MTHFD2L: variants seen among roughly 807,000 people sequenced by gnomAD.
The protein encoded by MTHFD2L is methylenetetrahydrofolate dehydrogenase (NADP+ dependent) 2 like.
Under a neutral mutation model 34.9 loss-of-function variants are expected in MTHFD2L, and 29 were observed. The observed-to-expected ratio is 0.83, with a 90% CI of 0.62 to 1.13. The LOEUF is 1.13. MTHFD2L is among the 50% of genes most tolerant of loss of function. The probability of loss-of-function intolerance (pLI) is 0.00; values close to 1 mark genes in which losing one functional copy is unlikely to be tolerated. For synonymous variants in MTHFD2L, 167 were observed against 155.7 expected (o/e 1.07, Z -0.54); for missense variants, 481 against 446.5 (o/e 1.08, Z -0.70).
At chr4:74,213,910 T>C (rs1736760571) in intron 5 of MTHFD2L, among the ~76,000 whole-genome samples, 1 of 152,040 alleles carries the variant, frequency 6.6e-6, no homozygotes, top group Non-Finnish European at 1.5e-5. Flanking sequence ...TCCTTCCTTT[T>C]CATTCTTTTT....
intron 5 of MTHFD2L, among the ~76,000 whole-genome samples, chr4:74,205,402 G>A (rs560487436): frequency 9.9e-5 from 15 of 152,266 alleles, no homozygotes; most frequent in East Asian, 1.9e-4. Flanking sequence ...AGCTCATGCC[G>A]TGTATTTATT....
At chr4:74,142,436 G>A (rs1416894774) in intron 1 of MTHFD2L, among the ~76,000 whole-genome samples, 2 of 152,152 alleles carry the variant, frequency 1.3e-5, no homozygotes, top group Non-Finnish European at 2.9e-5. Context: ...TCCACTATGT[G>A]AGAATACAAC....
At chr4:74,256,126 A>G (rs1263136862) in intron 6 of MTHFD2L, among the ~76,000 whole-genome samples, 5 of 152,206 alleles carry the variant, frequency 3.3e-5, no homozygotes, top group Admixed American at 6.5e-5. Flanking sequence ...CCAACAGTAT[A>G]TAAGTATTCT....
chr4:74,263,642 A>G (rs1744950205), intron 6 of MTHFD2L, among the ~76,000 whole-genome samples: 2 of 151,794 alleles, frequency 1.3e-5, no homozygotes, highest in Non-Finnish European at 2.9e-5. Context: ...TGGTGTTGTT[A>G]TATAGGAATG....
chr4:74,293,896 G>A (rs1246306683), intron 7 of MTHFD2L, among the ~76,000 whole-genome samples: 1 of 152,152 alleles, frequency 6.6e-6, no homozygotes, highest in African/African-American at 2.4e-5. Context: ...AATACTTCAA[G>A]CATTTAATTT....
intron 5 of MTHFD2L, 120 bp downstream of exon 5, chr4:74,201,490 C>G: frequency 1.8e-6 from 1 of 542,340 alleles, no homozygotes; most frequent in East Asian, 3.2e-5. Flanking sequence ...TTCAAAGTCT[C>G]CTTTATTCCT....
intron 6 of MTHFD2L, among the ~76,000 whole-genome samples, chr4:74,278,701 G>GTT (rs1350266061): frequency 3.5e-4 from 53 of 151,998 alleles, no homozygotes; most frequent in Non-Finnish European, 1.2e-4. Context: ...GCTTGAGCTT[G>GTT]TTTTCATGGC....
intron 1 of MTHFD2L, among the ~76,000 whole-genome samples, chr4:74,137,882 C>T (rs1246246831): frequency 2.0e-5 from 3 of 151,918 alleles, no homozygotes; most frequent in African/African-American, 2.4e-5. Context: ...CATGTTCTTG[C>T]TCTTGTGTGG....
At chr4:74,150,054 C>A (rs961856840) in intron 1 of MTHFD2L, among the ~76,000 whole-genome samples, 1 of 152,014 alleles carries the variant, frequency 6.6e-6, no homozygotes, top group African/African-American at 2.4e-5. Flanking sequence ...AGAGGGATTT[C>A]GACATTCTTG....
intron 2 of MTHFD2L, among the ~76,000 whole-genome samples, chr4:74,174,958 C>T (rs1330030835): frequency 6.6e-6 from 1 of 152,074 alleles, no homozygotes; most frequent in Non-Finnish European, 1.5e-5. Flanking sequence ...ATTATATTTG[C>T]TTTAATCAAA....
In MTHFD2L at chr4:74,281,535, G is replaced by T. The variant is rs1747481395; in HGVS notation, c.916G>T (p.Asp306Tyr). Residue 306 changes from aspartate (D) to tyrosine (Y), a missense_variant, in exon 7 of 8, where the codon GAT becomes TAT. By Grantham distance (160) the Asp-to-Tyr change is radical (BLOSUM62 -3). Transcript: ENST00000325278. Reference protein sequence around the residue: ...PVTGKTKLVGDVDFEAVKKKA... With the variant: ...PVTGKTKLVGYVDFEAVKKKA... ...GACAGGAAAGACAAAATTAGTTGGA[G>T]ATGTGGACTTCGAAGGTAATAAACC... is the stretch of plus-strand genomic sequence containing the variant. 6.2e-7 allele frequency: 1 copy of T among 1,612,148 alleles called. No individual in the cohort carries two copies. Among genetic ancestry groups the T allele is most frequent in the East Asian group, 2.2e-5 (1 of 44,766 alleles).
intron 5 of MTHFD2L, among the ~76,000 whole-genome samples, chr4:74,217,279 A>T (rs1295212262): frequency 1.3e-5 from 2 of 151,686 alleles, no homozygotes; most frequent in East Asian, 3.9e-4. Flanking sequence ...ACCTTACCAA[A>T]ATTGCATTTA....
intron 3 of MTHFD2L, among the ~76,000 whole-genome samples, chr4:74,196,701 C>A (rs373135259): frequency 1.3e-5 from 2 of 152,004 alleles, no homozygotes; most frequent in East Asian, 3.9e-4. Context: ...GTAATCCCAG[C>A]ACTTTGGGAG....
chr4:74,191,675 C>T lies in MTHFD2L; in HGVS notation c.452-8119C>T, dbSNP rs547635701. On this transcript the variant is annotated intron_variant, in intron 3 of 7. Coordinates refer to ENST00000325278, the MANE Select transcript of MTHFD2L (RefSeq NM_001144978.3). ...AAGCAGTTCTCCTGCCTCAGCCTCC[C>T]GAGTAGCTGGGATTACAGGCACCTG... 5.3e-5 allele frequency among the ~76,000 whole-genome samples: 8 copies of T among 152,078 alleles called. No homozygotes were observed. The East Asian group carries it at 9.7e-4, about 18-fold the overall frequency.
chr4:74,238,542 G>A (rs376744111), intron 6 of MTHFD2L, among the ~76,000 whole-genome samples: 2 of 152,264 alleles, frequency 1.3e-5, no homozygotes, highest in East Asian at 1.9e-4. Flanking sequence ...ACTGTCATCA[G>A]AATGAACAGG....
At chr4:74,124,375 T>A (rs537604665), upstream of MTHFD2L, among the ~76,000 whole-genome samples, 98 of 152,000 alleles carry the variant, frequency 6.4e-4, no homozygotes, top group African/African-American at 2.3e-3. Flanking sequence ...ATTGTTTATC[T>A]CCTATAAATA....
chr4:74,168,447 ATATCT>A (rs1392121591), intron 1 of MTHFD2L, among the ~76,000 whole-genome samples: 4 of 152,212 alleles, frequency 2.6e-5, no homozygotes, highest in African/African-American at 9.6e-5. Flanking sequence ...CAGAGAAGTG[ATATCT>A]TAACCCACCT....
At chr4:74,209,285 T>C (rs11731340) in intron 5 of MTHFD2L, among the ~76,000 whole-genome samples, 36,729 of 152,056 alleles carry the variant, frequency 0.24, 4,505 homozygotes, top group Admixed American at 0.28. Context: ...GGTGGTTTGC[T>C]GCACCCATCA....
chr4:74,266,711 AAATCTT>A, intron 6 of MTHFD2L: 1 of 286,256 alleles, frequency 3.5e-6, no homozygotes, highest in Non-Finnish European at 5.2e-6. Flanking sequence ...TAGGCTTTTG[AAATCTT>A]GAAGCTAAGA....
Sources: gnomAD v4.1 joint callset for allele counts (sites outside exome capture counted in the v4.1 genomes callset) on GRCh38, gnomAD v4.1.1 for gene constraint, MANE v1.5 for transcripts, NCBI Gene and HGNC (gene_info 2026-07-23, HGNC 2026-07-21) for gene names.